CNTNAP2: variants seen among roughly 807,000 people sequenced by gnomAD.
CNTNAP2 encodes the protein contactin associated protein 2, also known as contactin-associated protein-like 2.
A neutral mutation model predicts 155.2 loss-of-function variants in CNTNAP2; 98 were observed. The observed-to-expected ratio is 0.63, with a 90% confidence interval of 0.54 to 0.75. The LOEUF (loss-of-function observed/expected upper bound fraction) is 0.75, where lower values mean the gene tolerates loss of function less well. Among genes scored for constraint, CNTNAP2 ranks in the 30% least tolerant of loss-of-function variants. The pLI is 0.00. For missense variants in CNTNAP2, 1,727 were observed against 1,688.1 expected (o/e 1.02, Z -0.40); for synonymous variants, 651 against 631.2 (o/e 1.03, Z -0.47).
At chr7:147,550,999 T>C (rs941664317) in intron 11 of CNTNAP2, among the ~76,000 whole-genome samples, 1 of 152,182 alleles carries the variant, frequency 6.6e-6, no homozygotes, top group Non-Finnish European at 1.5e-5. Context: ...TCAGTGAGCT[T>C]TCACTGACTA....
At chr7:147,447,933 A>T (rs1453325986) in intron 10 of CNTNAP2, among the ~76,000 whole-genome samples, 3 of 152,168 alleles carry the variant, frequency 2.0e-5, no homozygotes, top group Non-Finnish European at 4.4e-5. Context: ...CTCAAATATG[A>T]TAAAGCACTT....
intron 1 of CNTNAP2, among the ~76,000 whole-genome samples, chr7:146,437,386 T>C (rs1175441989): frequency 6.6e-6 from 1 of 151,524 alleles, no homozygotes; most frequent in Admixed American, 6.6e-5. Flanking sequence ...TTATACACTA[T>C]TATAACACAG....
In CNTNAP2 at chr7:147,785,597, G is replaced by C. The variant is rs1797726915; in HGVS notation, c.2099-117968G>C. 2.0e-5 allele frequency among the ~76,000 whole-genome samples: 3 copies of C among 152,188 alleles called. No individual in the cohort carries two copies. The South Asian group carries it at 6.2e-4, about 31-fold the overall frequency. Reference sequence around the variant, plus strand: ...AAGAGTTGGGGATGCTTGAATTAGAGATTTTGGAGCTGGAAAAAAGTGTAA... The same window carrying C: ...AAGAGTTGGGGATGCTTGAATTAGACATTTTGGAGCTGGAAAAAAGTGTAA... On this transcript the variant is annotated intron_variant, in intron 13 of 23. Transcript: ENST00000361727.
chr7:147,106,669 T>C (rs1277924686), intron 4 of CNTNAP2, among the ~76,000 whole-genome samples: 1 of 152,176 alleles, frequency 6.6e-6, no homozygotes, highest in Non-Finnish European at 1.5e-5. Context: ...TTTCAAAGTA[T>C]GTGAAAGCCA....
intron 9 of CNTNAP2, chr7:147,378,029 T>A (rs539808203): frequency 2.1e-6 from 1 of 468,270 alleles, no homozygotes; most frequent in African/African-American, 2.0e-5. Flanking sequence ...GAAATTCTAT[T>A]AATATTGTTC....
At position 146,348,265 on chromosome 7, in the gene CNTNAP2, A is replaced by T. The variant is rs947706876; in HGVS notation, c.97+231292A>T. ...AAAACCCTGTCTCTACTAAAAATAT[A>T]AAAAAACAAATTAGCTGGGCATGGT... On this transcript the variant is annotated intron_variant, in intron 1 of 23. Transcript: ENST00000361727. Among the ~76,000 whole-genome samples, 23 of 151,956 alleles carry T rather than the reference A, an allele frequency of 1.5e-4. 1 individual carries two copies. The highest frequency in any genetic ancestry group is 5.3e-4 in the African/African-American group (22 of 41,364).
At chr7:146,502,249 A>ATATG (rs1797316263) in intron 1 of CNTNAP2, among the ~76,000 whole-genome samples, 3 of 115,562 alleles carry the variant, frequency 2.6e-5, no homozygotes, top group Non-Finnish European at 6.0e-5. Context: ...ATATATATAT[A>ATATG]TATATATATA....
intron 20 of CNTNAP2, among the ~76,000 whole-genome samples, chr7:148,261,808 A>G (rs1255303393): frequency 1.1e-4 from 16 of 152,020 alleles, no homozygotes; most frequent in Admixed American, 1.0e-3. Flanking sequence ...AAGGCCTGCG[A>G]CTCAGACAGG....
At chr7:146,670,084 A>G (rs1436807888) in intron 1 of CNTNAP2, among the ~76,000 whole-genome samples, 2 of 152,182 alleles carry the variant, frequency 1.3e-5, no homozygotes, top group African/African-American at 4.8e-5. Context: ...ATTTTAGTGT[A>G]TGTATTTGTT....
At position 146,754,716 on chromosome 7, in the gene CNTNAP2, G is replaced by C. The variant is rs112444463; in HGVS notation, c.98-19555G>C. Among the ~76,000 whole-genome samples, 295 of 151,954 alleles carry C rather than the reference G, an allele frequency of 1.9e-3. 2 individuals carry two copies. Among genetic ancestry groups the C allele is most frequent in the Non-Finnish European group, 2.4e-3 (160 of 67,848 alleles). ...AATTCTTGGGTAAAAAATGTAGCAG[G>C]TGTTGTCAGGGGTTAGGAAAGAGAG... is the stretch of plus-strand genomic sequence containing the variant. On this transcript the variant is annotated intron_variant, in intron 1 of 23. Coordinates refer to ENST00000361727, the MANE Select transcript of CNTNAP2 (RefSeq NM_014141.6).
intron 11 of CNTNAP2, among the ~76,000 whole-genome samples, chr7:147,510,655 T>G (rs967699886): frequency 6.6e-6 from 1 of 151,578 alleles, no homozygotes; most frequent in Non-Finnish European, 1.5e-5. Flanking sequence ...GTTTAATGGT[T>G]CATAAGTACA....
chr7:146,721,002 C>CTTATATATACTCTATATAT (rs1801284749), intron 1 of CNTNAP2, among the ~76,000 whole-genome samples: 1 of 91,752 alleles, frequency 1.1e-5, no homozygotes, highest in Admixed American at 1.0e-4. Flanking sequence ...TATATATAGT[C>CTTATATATACTCTATATAT]TATATATATA....
intron 15 of CNTNAP2, among the ~76,000 whole-genome samples, chr7:148,058,964 G>A (rs1274248007): frequency 2.6e-5 from 4 of 151,954 alleles, no homozygotes; most frequent in Admixed American, 2.6e-4. Context: ...CGAGTTACAT[G>A]GGTGTGTCAC....
At chr7:147,778,797 C>A (rs780690718) in intron 13 of CNTNAP2, among the ~76,000 whole-genome samples, 1 of 152,196 alleles carries the variant, frequency 6.6e-6, no homozygotes, top group Admixed American at 6.5e-5. Flanking sequence ...AGGCCTGAGC[C>A]ACCGCGCCCG....
intron 4 of CNTNAP2, among the ~76,000 whole-genome samples, chr7:147,105,018 G>T (rs889386453): frequency 6.7e-6 from 1 of 149,958 alleles, no homozygotes; most frequent in South Asian, 2.1e-4. Context: ...GTGATTTTTC[G>T]TGGTTGGGAT....
chr7:146,883,704 G>C (rs1312774828), intron 3 of CNTNAP2, among the ~76,000 whole-genome samples: 1 of 152,072 alleles, frequency 6.6e-6, no homozygotes, highest in African/African-American at 2.4e-5. Context: ...GTACTAAAGA[G>C]TTAAGAACAT....
intron 13 of CNTNAP2, among the ~76,000 whole-genome samples, chr7:147,828,860 A>G (rs1057205093): frequency 3.3e-5 from 5 of 152,200 alleles, no homozygotes; most frequent in African/African-American, 1.2e-4. Flanking sequence ...TCTTTGGAAC[A>G]TTTATCACCT....
chr7:148,102,356 T>C (rs1804118654), intron 15 of CNTNAP2, among the ~76,000 whole-genome samples: 1 of 152,250 alleles, frequency 6.6e-6, no homozygotes, highest in African/African-American at 2.4e-5. Flanking sequence ...TACCACATTT[T>C]CTTTATCCAG....
At chr7:147,935,192 T>A (rs2116805804) in intron 14 of CNTNAP2, among the ~76,000 whole-genome samples, 1 of 152,172 alleles carries the variant, frequency 6.6e-6, no homozygotes, top group African/African-American at 2.4e-5. Context: ...AGTGGTGCGA[T>A]CTCGGCTCAC....
Sources: allele counts gnomAD v4.1 joint callset (sites outside exome capture counted in the v4.1 genomes callset), GRCh38; gene constraint gnomAD v4.1.1; transcripts MANE v1.5; gene names NCBI Gene and HGNC (gene_info 2026-07-23, HGNC 2026-07-21).